The following ATP2A1 variants were observed in gnomAD, a reference collection of about 807,000 sequenced individuals.
The protein encoded by ATP2A1 is ATPase sarcoplasmic/endoplasmic reticulum Ca2+ transporting 1, also known as sarcoplasmic/endoplasmic reticulum calcium ATPase 1.
ATP2A1 carries 83 observed loss-of-function variants against 109.5 expected under a neutral mutation model. The observed-to-expected ratio is 0.76, with a 90% CI of 0.63 to 0.91. ATP2A1 has a LOEUF of 0.91. Among genes scored for constraint, ATP2A1 ranks in the 40% least tolerant of loss-of-function variants. The pLI is 0.00. For synonymous variants in ATP2A1, 505 were observed against 537.6 expected (o/e 0.94, Z 0.84); for missense variants, 1,101 against 1,341.0 (o/e 0.82, Z 2.80).
intron 9 of ATP2A1, among the ~76,000 whole-genome samples, chr16:28,893,207 G>A (rs1963822029): frequency 6.8e-6 from 1 of 146,800 alleles, no homozygotes; most frequent in African/African-American, 2.6e-5. Context: ...AACATAGTGA[G>A]ACCCAATTTC....
At position 28,895,668 on chromosome 16, in the gene ATP2A1, AAAAACG is replaced by A. The variant is rs530017309; in HGVS notation, c.1419+721_1419+726del. On this transcript the variant is annotated intron_variant, in intron 12 of 22. Transcript: ENST00000395503. ...TAGTGAGACCCGCATCTCTACAAAAAAAAACGAAAACAAAAACAAAGAAAGAAAGAA... is the reference window on the plus strand; with the variant it reads ...TAGTGAGACCCGCATCTCTACAAAAAAAAACAAAAACAAAGAAAGAAAGAA... 2.5e-3 allele frequency among the ~76,000 whole-genome samples: 383 copies of A among 152,174 alleles called. 4 individuals are homozygous for A. Among genetic ancestry groups the A allele is most frequent in the African/African-American group, 8.9e-3 (368 of 41,526 alleles).
chr16:28,902,385 G>C lies in ATP2A1; in HGVS notation c.2523G>C (p.Gly841=). Residue 841 remains glycine, a splice_region_variant and synonymous_variant, in exon 17 of 23, where the codon GGG becomes GGC. Coordinates refer to ENST00000395503, the MANE Select transcript of ATP2A1 (RefSeq NM_004320.6). The surrounding 1 kb of genome is among the most constrained non-coding windows in gnomAD (Gnocchi z 4.8). The part of the protein sequence containing the change: ...GWLFFRYMAI[G]GYVGAATVGA... ...TCTTCTTCCGCTACATGGCAATCGG[G>C]GGTGAGCTGGAGGGGTTCCTCGATC... The C allele has an allele frequency of 6.2e-7, 1 of 1,613,918 alleles. No homozygotes were observed. The highest frequency in any genetic ancestry group is 8.5e-7 in the Non-Finnish European group (1 of 1,179,904).
Position 28,904,388 on chromosome 16 carries a change from C to T in ATP2A1, c.*246C>T. On this transcript the variant is annotated 3_prime_UTR_variant, in exon 23 of 23. Transcript: ENST00000395503. ...CAACCTTGTAAATTCCCCTTCCCAA[C>T]CCCGAGGGGCTTGCAGGGACAAGGC... 6.5e-7 allele frequency: 1 copy of T among 1,536,522 alleles called. No individual in the cohort carries two copies. The highest frequency in any genetic ancestry group is 8.7e-7 in the Non-Finnish European group (1 of 1,146,900).
chr16:28,892,443 TGTA>T (rs757649450), intron 9 of ATP2A1: 3 of 137,916 alleles, frequency 2.2e-5, no homozygotes, highest in South Asian at 4.6e-5. Flanking sequence ...TGAGAAAGGC[TGTA>T]ACCTTGGCTC....
At chr16:28,892,906 T>G (rs907048062) in intron 9 of ATP2A1, among the ~76,000 whole-genome samples, 7 of 151,782 alleles carry the variant, frequency 4.6e-5, no homozygotes, top group African/African-American at 1.7e-4. Flanking sequence ...TAGCTGGGCG[T>G]GGTGGCGTAT....
At position 28,898,177 on chromosome 16, in the gene ATP2A1, C is replaced by A. The variant is rs369828168; in HGVS notation, c.1545+52C>A. 4 of 1,614,094 alleles carry A rather than the reference C, an allele frequency of 2.5e-6. No individual in the cohort carries two copies. In the African/African-American group the frequency reaches 5.3e-5, roughly 22 times the overall value. On this transcript the variant is annotated intron_variant, in intron 13 of 22. Transcript: ENST00000395503. This position sits in a 1 kb window ranked among gnomAD's most constrained non-coding sequence, Gnocchi z 4.0. ...CCCTCTTCTTCCTACTCCTAGCCAC[C>A]TGTCACTGCCCTGGAAGGAAAGTGG...
chr16:28,895,604 T>A (rs1963898858), intron 12 of ATP2A1, among the ~76,000 whole-genome samples: 1 of 150,418 alleles, frequency 6.6e-6, no homozygotes. Context: ...GGTGGGAGGA[T>A]CACTTGAGCC....
intron 9 of ATP2A1, among the ~76,000 whole-genome samples, chr16:28,893,533 T>C (rs1963832998): frequency 6.6e-6 from 1 of 152,152 alleles, no homozygotes; most frequent in Non-Finnish European, 1.5e-5. Flanking sequence ...CAGGTGCCAA[T>C]AGTTGGGCTG....
chr16:28,899,662 A>G (rs1343714795), intron 14 of ATP2A1, among the ~76,000 whole-genome samples: 1 of 59,332 alleles, frequency 1.7e-5, no homozygotes, highest in African/African-American at 5.6e-5. Flanking sequence ...CCCCCCCCCG[A>G]AAAAGACACA....
chr16:28,894,420 C>G, intron 10 of ATP2A1, 85 bp from the exon 11 acceptor site: 1 of 1,388,992 alleles, frequency 7.2e-7, no homozygotes, highest in East Asian at 2.4e-5. Flanking sequence ...CCCTCTGCTG[C>G]CTGCTCTTCC....
At position 28,898,330 on chromosome 16, in the gene ATP2A1, T is replaced by C. The variant is rs1190425328; in HGVS notation, c.1643T>C (p.Val548Ala). Residue 548 changes from valine to alanine, a missense_variant, in exon 14 of 23, where the codon GTG (valine) becomes GCG (alanine). Physicochemically the swap from Val to Ala is moderately conservative, Grantham distance 64 (BLOSUM62 0). Coordinates refer to ENST00000395503, the MANE Select transcript of ATP2A1 (RefSeq NM_004320.6). The surrounding 1 kb of genome is among the most constrained non-coding windows in gnomAD (Gnocchi z 4.0). ...TGPVKEKIMA[V>A]IKEWGTGRDT... is the part of the protein sequence containing the mutation. ...CCGGTGAAGGAAAAGATCATGGCGG[T>C]GATCAAGGAGTGGGGCACTGGCCGG... 24 of 1,613,988 alleles carry C rather than the reference T, an allele frequency of 1.5e-5. No individual in the cohort carries two copies. Among genetic ancestry groups the C allele is most frequent in the Non-Finnish European group, 1.9e-5 (23 of 1,180,014 alleles).
chr16:28,903,727 G>C lies in ATP2A1; in HGVS notation c.*23G>C. 1.9e-6 allele frequency: 3 copies of C among 1,613,460 alleles called. No homozygotes were observed. Among genetic ancestry groups the C allele is most frequent in the Middle Eastern group, 3.3e-4 (2 of 6,062 alleles). On this transcript the variant is annotated 3_prime_UTR_variant, in exon 22 of 23. Coordinates refer to ENST00000395503, the MANE Select transcript of ATP2A1 (RefSeq NM_004320.6). This position sits in a 1 kb window ranked among gnomAD's most constrained non-coding sequence, Gnocchi z 5.6. ...TAACTGTTCCCCCTCCTCCATCTCT[G>C]AGCCCGTGTCACAGGTATCACCCCC...
intron 6 of ATP2A1, 51 bp from the exon 7 acceptor site, chr16:28,887,138 T>C: frequency 6.3e-7 from 1 of 1,581,884 alleles, no homozygotes; most frequent in East Asian, 2.2e-5. Flanking sequence ...ACGGGAAGCC[T>C]GGGAGAAGGA....
Position 28,879,231 on chromosome 16 carries a change from C to T in ATP2A1, c.136+115C>T, listed in dbSNP as rs187381048. The T allele has an allele frequency of 3.0e-6, 4 of 1,346,602 alleles. No homozygotes were observed. The African/African-American group carries it at 5.8e-5, about 19-fold the overall frequency. The allele number at this position is 1,346,602 out of a possible 1,614,324, so 83.4% of individuals were successfully genotyped here. A position where few individuals can be genotyped will look rare whatever the true frequency, so the allele number is the denominator to read the frequency against. ...TGAGCAAATATCCCTTCCCAAAAGG[C>T]AAATCTCCCTCCCTAAAGGTTAGAG... On this transcript the variant is annotated intron_variant, in intron 2 of 22. Transcript: ENST00000395503.
At chr16:28,886,978 CTG>C (rs1963629437) in intron 6 of ATP2A1, among the ~76,000 whole-genome samples, 1 of 145,396 alleles carries the variant, frequency 6.9e-6, no homozygotes, top group Non-Finnish European at 1.5e-5. Flanking sequence ...GGTGACAAGA[CTG>C]CAACTCTGTC....
At chr16:28,885,249 C>CA (rs560935121) in intron 6 of ATP2A1, among the ~76,000 whole-genome samples, 1,256 of 122,286 alleles carry the variant, frequency 0.01, 21 homozygotes, top group African/African-American at 0.035. Context: ...GACCCCATCT[C>CA]AAAAAAAAAA....
chr16:28,894,801 T>G, intron 11 of ATP2A1, 21 bp from the exon 12 acceptor site: 1 of 1,609,408 alleles, frequency 6.2e-7, no homozygotes, highest in South Asian at 1.1e-5. Context: ...CGACTTCCTC[T>G]TCCTCCTCTG....
intron 6 of ATP2A1, among the ~76,000 whole-genome samples, chr16:28,886,721 G>A (rs780260417): frequency 1.3e-5 from 2 of 151,146 alleles, no homozygotes; most frequent in Non-Finnish European, 1.5e-5. Flanking sequence ...GGCTGGGCAC[G>A]GTGGCCTGTA....
intron 4 of ATP2A1, among the ~76,000 whole-genome samples, chr16:28,881,999 G>A (rs568809515): frequency 4.0e-5 from 6 of 150,330 alleles, no homozygotes; most frequent in South Asian, 2.1e-4. Flanking sequence ...GTGCAGTGGC[G>A]TAATCTCATC....
Sources: gnomAD v4.1 joint callset for allele counts (sites outside exome capture counted in the v4.1 genomes callset) on GRCh38, gnomAD v4.1.1 for gene constraint, Gnocchi (gnomAD v3.1) non-coding constraint, MANE v1.5 for transcripts, NCBI Gene and HGNC (gene_info 2026-07-23, HGNC 2026-07-21) for gene names.